The following CIDEB variants were observed in gnomAD, a reference collection of about 807,000 sequenced individuals.
CIDEB encodes cell death inducing DFFA like effector b.
In CIDEB, 27 loss-of-function variants were observed where a neutral mutation model predicts 22.4. That is an observed-to-expected ratio of 1.21 (90% confidence interval 0.89 to 1.66). CIDEB has a LOEUF of 1.66. Ranked by LOEUF, CIDEB falls within the 40% of genes most tolerant of loss-of-function variation. The pLI, the probability that CIDEB is intolerant of heterozygous loss-of-function variation, is 0.00. For missense variants in CIDEB, 289 were observed against 268.7 expected (o/e 1.08, Z -0.53); for synonymous variants, 103 against 109.5 (o/e 0.94, Z 0.37).
In CIDEB at chr14:24,305,968, A is replaced by C. The variant is rs1244504359; in HGVS notation, c.506T>G (p.Leu169Arg). 28 of 1,613,972 alleles carry C rather than the reference A, an allele frequency of 1.7e-5. No individual in the cohort carries two copies. Among genetic ancestry groups the C allele is most frequent in the Non-Finnish European group, 2.3e-5 (27 of 1,179,890 alleles). The part of the protein sequence containing the change: ...LYSMSCDFQG[L>R]GPKKVLRELL... The stretch of plus-strand genomic sequence containing the variant: ...TGACCTGAGTACTTTCTTTGGGCCA[A>C]GTCCTTGAAAGTCACAACTCATAGA... Residue 169 changes from leucine (L) to arginine (R), a missense_variant, in exon 4 of 5, where the codon CTT becomes CGT. Coordinates refer to ENST00000554411, the MANE Select transcript of CIDEB (RefSeq NM_001393339.1).
At chr14:24,310,549 C>T (rs1215009977), upstream of CIDEB, 1 of 1,130,406 alleles carries the variant, frequency 8.8e-7, no homozygotes, top group Non-Finnish European at 1.3e-6. Context: ...AAGAGGCAGG[C>T]TGCAGGGAAG....
chr14:24,307,866 C>G lies in CIDEB; in HGVS notation c.-8G>C. The G allele has an allele frequency of 1.3e-6, 2 of 1,585,692 alleles. No homozygotes were observed. The highest frequency in any genetic ancestry group is 8.6e-7 in the Non-Finnish European group (1 of 1,165,288). ...AGCTGAGAGGTACTCCATGGTGGACCGGAGAGTTCCTTCCCTGGAACTTCT... is the reference window on the plus strand; with the variant it reads ...AGCTGAGAGGTACTCCATGGTGGACGGGAGAGTTCCTTCCCTGGAACTTCT... On this transcript the variant is annotated 5_prime_UTR_variant, in exon 1 of 5. Transcript: ENST00000554411.
upstream of CIDEB, chr14:24,311,036 C>T (rs769064307): frequency 1.9e-6 from 3 of 1,580,106 alleles, no homozygotes; most frequent in Non-Finnish European, 2.6e-6. Flanking sequence ...TCGCAGTCAC[C>T]CGCCCCTTCC....
At chr14:24,311,309 C>T (rs757818449), upstream of CIDEB, 4 of 1,593,648 alleles carry the variant, frequency 2.5e-6, no homozygotes, top group South Asian at 2.2e-5. Context: ...GCTGGGGCTC[C>T]GGGCGGCACG....
At chr14:24,311,346 GCCATCGT>G, upstream of CIDEB, 1 of 1,605,160 alleles carries the variant, frequency 6.2e-7, no homozygotes, top group South Asian at 1.1e-5. Flanking sequence ...GCTGGTGAGC[GCCATCGT>G]GCTTGCCTTC....
In CIDEB at chr14:24,306,122, A is replaced by G; in HGVS notation, c.352T>C (p.Tyr118His). Residue 118 changes from tyrosine (Y) to histidine (H), a missense_variant, in exon 4 of 5, where the codon TAT (tyrosine) becomes CAT (histidine). By Grantham distance (83) the Tyr-to-His change is moderately conservative (BLOSUM62 2). Coordinates refer to ENST00000554411, the MANE Select transcript of CIDEB (RefSeq NM_001393339.1). ...WSPTRSGVLSYGLGRERPKHS... is the reference protein window; with the variant it reads ...WSPTRSGVLSHGLGRERPKHS... Reference sequence around the variant, plus strand: ...TTGGGCCTCTCCCGTCCCAGGCCATATGACAGCACTCCACTCTGTAGGACA... The same window carrying G: ...TTGGGCCTCTCCCGTCCCAGGCCATGTGACAGCACTCCACTCTGTAGGACA... The G allele has an allele frequency of 6.2e-7, 1 of 1,613,816 alleles. No individual in the cohort carries two copies. The highest frequency in any genetic ancestry group is 1.7e-4 in the Middle Eastern group (1 of 5,962).
intron 2 of CIDEB, chr14:24,307,126 G>T: frequency 2.4e-6 from 1 of 408,540 alleles, no homozygotes; most frequent in Non-Finnish European, 4.4e-6. Flanking sequence ...TTCCATACTA[G>T]CTTCTGAATT....
chr14:24,305,924 A>G, intron 4 of CIDEB, 23 bp downstream of exon 4: 1 of 1,607,458 alleles, frequency 6.2e-7, no homozygotes, highest in East Asian at 2.2e-5. Flanking sequence ...GGGATGGGGC[A>G]GTATGACATG....
chr14:24,306,659 A>G (rs1172233325), intron 2 of CIDEB, 136 bp from the exon 3 acceptor site: 15 of 1,065,202 alleles, frequency 1.4e-5, no homozygotes, highest in Non-Finnish European at 1.4e-5. Context: ...GATACCTCCT[A>G]AAGGTTGCAG....
intron 1 of CIDEB, 73 bp from the exon 2 acceptor site, chr14:24,307,588 G>T (rs889386881): frequency 3.8e-5 from 58 of 1,534,276 alleles, no homozygotes; most frequent in Non-Finnish European, 5.1e-5. Context: ...GATGAGGGTA[G>T]AGTGGCTAGA....
upstream of CIDEB, chr14:24,310,828 C>G: frequency 3.8e-6 from 6 of 1,592,352 alleles, no homozygotes; most frequent in Non-Finnish European, 5.1e-6. Flanking sequence ...CGGGGGCGAC[C>G]GCTGGCGGCC....
chr14:24,305,686 C>G lies in CIDEB; in HGVS notation c.607G>C (p.Ala203Pro), dbSNP rs371144775. 289 of 1,614,068 alleles carry G rather than the reference C, an allele frequency of 1.8e-4. No homozygotes were observed. Among genetic ancestry groups the G allele is most frequent in the Non-Finnish European group, 2.4e-4 (280 of 1,180,030 alleles). The change falls in exon 5 of 5, where the codon GCA becomes CCA. Residue 203 changes from alanine to proline, a missense_variant. Coordinates refer to ENST00000554411, the MANE Select transcript of CIDEB (RefSeq NM_001393339.1). The stretch of plus-strand genomic sequence containing the variant: ...TGCCACTGCTCAGCCCCCTCCACTG[C>G]ATGACGAAGGGTGGAGGAAATTCCC... ...LLGISSTLRH[A>P]VEGAEQWQQK...
chr14:24,310,359 G>T (rs2041649971), upstream of CIDEB: 1 of 608,226 alleles, frequency 1.6e-6, no homozygotes, highest in Middle Eastern at 4.3e-4. Context: ...TAGAGGAGTG[G>T]TGGTAGAGAT....
At chr14:24,311,176 G>C (rs2041689808), upstream of CIDEB, 1 of 1,606,522 alleles carries the variant, frequency 6.2e-7, no homozygotes, top group Middle Eastern at 1.7e-4. Flanking sequence ...TGCCAGCTGT[G>C]CCACCCGTCG....
chr14:24,305,931 C>A lies in CIDEB; in HGVS notation c.527+16G>T. Reference sequence around the variant, plus strand: ...AACTGTAGGGGATGGGGCAGTATGACATGTTGATTTCTGACCTGAGTACTT... The same window carrying A: ...AACTGTAGGGGATGGGGCAGTATGAAATGTTGATTTCTGACCTGAGTACTT... On this transcript the variant is annotated intron_variant, in intron 4 of 4. Transcript: ENST00000554411. 6.2e-7 allele frequency: 1 copy of A among 1,609,490 alleles called. No individual in the cohort carries two copies. The highest frequency in any genetic ancestry group is 8.5e-7 in the Non-Finnish European group (1 of 1,177,272).
At chr14:24,310,641 C>T, upstream of CIDEB, 1 of 1,613,626 alleles carries the variant, frequency 6.2e-7, no homozygotes, top group Middle Eastern at 1.6e-4. Flanking sequence ...GTGGCGCCTT[C>T]CACCCACCTG....
chr14:24,306,065 C>G lies in CIDEB; in HGVS notation c.409G>C (p.Asp137His). Residue 137 changes from aspartate (D) to histidine (H), a missense_variant, in exon 4 of 5, where the codon GAC becomes CAC. Coordinates refer to ENST00000554411, the MANE Select transcript of CIDEB (RefSeq NM_001393339.1). ...HSKDIARFTF[D>H]VYKQNPRDLF... The stretch of plus-strand genomic sequence containing the variant: ...TCTCGAGGGTTTTGCTTGTACACGT[C>G]AAAGGTGAATCGGGCGATGTCCTTG... 6.2e-7 allele frequency: 1 copy of G among 1,614,172 alleles called. No individual in the cohort carries two copies. The highest frequency in any genetic ancestry group is 8.5e-7 in the Non-Finnish European group (1 of 1,180,024).
At chr14:24,310,258 A>G (rs1250030789), upstream of CIDEB, 10 of 510,974 alleles carry the variant, frequency 2.0e-5, no homozygotes, top group Admixed American at 2.1e-4. Context: ...CCAGCTTGGT[A>G]AGTAGATCTG....
chr14:24,306,580 T>G (rs2041516054), intron 2 of CIDEB, 57 bp from the exon 3 acceptor site: 1 of 1,609,386 alleles, frequency 6.2e-7, no homozygotes, highest in Admixed American at 1.7e-5. Context: ...CTTCCCTCTT[T>G]AGCTGCCCAA....
Sources: gnomAD v4.1 joint callset for allele counts on GRCh38, gnomAD v4.1.1 for gene constraint, MANE v1.5 for transcripts, NCBI Gene and HGNC (gene_info 2026-07-23, HGNC 2026-07-21) for gene names.